Variants in ADGRL3 observed in about 807,000 individuals in gnomAD.
ADGRL3 encodes the protein calcium-independent alpha-latrotoxin receptor 3.
A neutral mutation model predicts 153.5 loss-of-function variants in ADGRL3; 62 were observed. The observed-to-expected ratio is 0.40, with a 90% CI of 0.33 to 0.50. The LOEUF (loss-of-function observed/expected upper bound fraction) is 0.50. Ranked by LOEUF, ADGRL3 falls within the 20% of genes least tolerant of loss-of-function variation. The pLI, the probability that ADGRL3 is intolerant of heterozygous loss-of-function variation, is 0.47. For missense variants in ADGRL3, 1,641 were observed against 1,859.4 expected (o/e 0.88, Z 2.16); for synonymous variants, 710 against 672.5 (o/e 1.06, Z -0.86).
intron 2 of ADGRL3, among the ~76,000 whole-genome samples, chr4:61,430,100 A>G (rs1392294646): frequency 2.6e-5 from 4 of 152,186 alleles, no homozygotes; most frequent in Admixed American, 1.3e-4. Context: ...ATGAGATACA[A>G]AGATAATCAA....
intron 8 of ADGRL3, among the ~76,000 whole-genome samples, chr4:61,739,203 A>G (rs1037725385): frequency 2.6e-5 from 4 of 152,302 alleles, no homozygotes; most frequent in Non-Finnish European, 5.9e-5. Context: ...AATGCAAAGC[A>G]TCTCTAATTT....
intron 1 of ADGRL3, among the ~76,000 whole-genome samples, chr4:61,343,794 A>G (rs2151182655): frequency 6.6e-6 from 1 of 152,300 alleles, no homozygotes; most frequent in Admixed American, 6.5e-5. Context: ...GCATTTCTCA[A>G]CCTATTTGCC....
At chr4:61,411,397 T>A (rs1210850486) in intron 2 of ADGRL3, among the ~76,000 whole-genome samples, 1 of 152,204 alleles carries the variant, frequency 6.6e-6, no homozygotes, top group Non-Finnish European at 1.5e-5. Context: ...GATGTAATAT[T>A]CTTTTCAGTG....
chr4:61,997,970 A>G (rs1357901498), intron 20 of ADGRL3, among the ~76,000 whole-genome samples: 2 of 152,176 alleles, frequency 1.3e-5, no homozygotes, highest in Non-Finnish European at 2.9e-5. Context: ...CAGGCATAGT[A>G]GTGCTTTGTA....
At chr4:61,292,019 G>T (rs1473973809) in intron 1 of ADGRL3, among the ~76,000 whole-genome samples, 1 of 150,628 alleles carries the variant, frequency 6.6e-6, no homozygotes, top group African/African-American at 2.4e-5. Flanking sequence ...ACTATTAAAA[G>T]GAAGGAGAAA....
intron 8 of ADGRL3, among the ~76,000 whole-genome samples, chr4:61,781,848 G>T (rs2152385515): frequency 6.6e-6 from 1 of 152,234 alleles, no homozygotes; most frequent in East Asian, 1.9e-4. Flanking sequence ...CCTATATTTA[G>T]ATTCTAAGTA....
At chr4:61,784,274 A>G (rs890401522) in intron 8 of ADGRL3, among the ~76,000 whole-genome samples, 1 of 152,178 alleles carries the variant, frequency 6.6e-6, no homozygotes, top group Non-Finnish European at 1.5e-5. Context: ...TCTAAAATTA[A>G]AAGATGAAAT....
At chr4:62,048,159 C>T (rs550691726) in intron 25 of ADGRL3, among the ~76,000 whole-genome samples, 1 of 152,292 alleles carries the variant, frequency 6.6e-6, no homozygotes, top group East Asian at 1.9e-4. Context: ...AAAGGACTTG[C>T]AGCTAGAGTA....
intron 6 of ADGRL3, among the ~76,000 whole-genome samples, chr4:61,702,900 T>C (rs991253607): frequency 6.6e-6 from 1 of 152,202 alleles, no homozygotes; most frequent in Non-Finnish European, 1.5e-5. Flanking sequence ...CTTGATATTC[T>C]AGTTATATTC....
chr4:61,847,636 A>ATATATAATATAAAATATAT (rs2098134999), intron 9 of ADGRL3, among the ~76,000 whole-genome samples: 7 of 10,468 alleles, frequency 6.7e-4, no homozygotes, highest in Non-Finnish European at 1.8e-3. Context: ...AAAATATATT[A>ATATATAATATAAAATATAT]TATATATAAT....
At chr4:61,665,421 G>A (rs112842184) in intron 5 of ADGRL3, among the ~76,000 whole-genome samples, 6 of 151,538 alleles carry the variant, frequency 4.0e-5, no homozygotes, top group Non-Finnish European at 7.4e-5. Flanking sequence ...AAACAAAAAC[G>A]AAAACAAAAA....
At chr4:61,770,449 G>C (rs918108775) in intron 8 of ADGRL3, among the ~76,000 whole-genome samples, 1 of 152,196 alleles carries the variant, frequency 6.6e-6, no homozygotes, top group African/African-American at 2.4e-5. Context: ...AAGGCACAAA[G>C]AAAGGATGTA....
intron 5 of ADGRL3, among the ~76,000 whole-genome samples, chr4:61,662,286 A>G (rs1446002097): frequency 6.6e-6 from 1 of 152,216 alleles, no homozygotes; most frequent in Non-Finnish European, 1.5e-5. Context: ...CTGCCCAGCC[A>G]TGATTGTGGA....
intron 13 of ADGRL3, among the ~76,000 whole-genome samples, chr4:61,932,053 A>G (rs1191799768): frequency 6.6e-6 from 1 of 152,038 alleles, no homozygotes; most frequent in African/African-American, 2.4e-5. Context: ...ATACACATAC[A>G]CATACATACA....
At chr4:61,667,745 G>A (rs2094849251) in intron 5 of ADGRL3, among the ~76,000 whole-genome samples, 1 of 152,052 alleles carries the variant, frequency 6.6e-6, no homozygotes, top group African/African-American at 2.4e-5. Flanking sequence ...TGTGATAAAA[G>A]CAAACAAACA....
chr4:61,667,689 A>G (rs1027708316), intron 5 of ADGRL3, among the ~76,000 whole-genome samples: 4 of 152,184 alleles, frequency 2.6e-5, no homozygotes, highest in Non-Finnish European at 5.9e-5. Context: ...ATGTAGCTCA[A>G]TTTCTGTCAT....
intron 4 of ADGRL3, among the ~76,000 whole-genome samples, chr4:61,563,817 G>A (rs2149017484): frequency 6.6e-6 from 1 of 152,132 alleles, no homozygotes; most frequent in South Asian, 2.1e-4. Context: ...AGACCACCCT[G>A]GCCAACATGG....
chr4:61,373,152 C>T (rs568775363), intron 1 of ADGRL3, among the ~76,000 whole-genome samples: 13 of 152,256 alleles, frequency 8.5e-5, no homozygotes, highest in South Asian at 2.1e-4. Context: ...GAGATGAACC[C>T]GGTACCTCAG....
At chr4:61,418,837 A>G (rs1365177302) in intron 2 of ADGRL3, among the ~76,000 whole-genome samples, 2 of 150,926 alleles carry the variant, frequency 1.3e-5, no homozygotes, top group Middle Eastern at 3.4e-3. Context: ...AGAGGTACTC[A>G]GTTGGATATA....
Sources: gnomAD v4.1 joint callset for allele counts (sites outside exome capture counted in the v4.1 genomes callset) on GRCh38, gnomAD v4.1.1 for gene constraint, MANE v1.5 for transcripts, NCBI Gene and HGNC (gene_info 2026-07-23, HGNC 2026-07-21) for gene names.